Variants in CAST observed in about 807,000 individuals in gnomAD.
CAST encodes calpastatin.
CAST carries 76 observed loss-of-function variants against 119.6 expected under a neutral mutation model. The ratio of observed to expected loss-of-function variants is 0.64; its 90% CI spans 0.53 to 0.77. CAST has a LOEUF of 0.77. CAST is among the 30% of genes least tolerant of loss of function. The probability of loss-of-function intolerance (pLI) is 0.00; values close to 1 mark genes in which losing one functional copy is unlikely to be tolerated. For synonymous variants in CAST, 319 were observed against 331.6 expected (o/e 0.96, Z 0.41); for missense variants, 953 against 946.5 (o/e 1.01, Z -0.09).
chr5:96,177,092 T>C, the CAST span, among the ~76,000 whole-genome samples: 1 of 152,212 alleles, frequency 6.6e-6, no homozygotes, highest in Non-Finnish European at 1.5e-5. Context: ...GCAAATTTAT[T>C]ATTATGATTA....
At chr5:96,569,886 A>G (rs182149404) in intron 1 of CAST, among the ~76,000 whole-genome samples, 196 of 152,352 alleles carry the variant, frequency 1.3e-3, no homozygotes, top group African/African-American at 4.5e-3. Flanking sequence ...TAAACTATAC[A>G]TCTGATTCGG....
chr5:96,495,474 T>C, the CAST span, among the ~76,000 whole-genome samples: 1 of 152,208 alleles, frequency 6.6e-6, no homozygotes, highest in Non-Finnish European at 1.5e-5. Context: ...TGTGTCCATG[T>C]GTTCTCATTG....
chr5:96,491,503 A>AAAAG, the CAST span, among the ~76,000 whole-genome samples: 1 of 86,750 alleles, frequency 1.2e-5, no homozygotes, highest in Non-Finnish European at 2.5e-5. Flanking sequence ...AAAAAAAAAA[A>AAAAG]AAAAAAAAAA....
the CAST span, among the ~76,000 whole-genome samples, chr5:96,293,629 C>T: frequency 8.0e-4 from 121 of 152,042 alleles, no homozygotes; most frequent in Admixed American, 1.8e-3. Context: ...CCTCTTTCTT[C>T]TCCTTCCAGA....
chr5:96,756,191 C>G (rs193216182), intron 22 of CAST, among the ~76,000 whole-genome samples: 1 of 152,110 alleles, frequency 6.6e-6, no homozygotes, highest in Admixed American at 6.6e-5. Flanking sequence ...TTTGGCTCCC[C>G]GAGGGCAGGC....
At chr5:96,183,001 T>A in the CAST span, among the ~76,000 whole-genome samples, 2 of 151,746 alleles carry the variant, frequency 1.3e-5, no homozygotes, top group African/African-American at 4.8e-5. Flanking sequence ...TAGCCGGGCG[T>A]GGTGGCAGGC....
chr5:96,241,184 G>C, the CAST span, among the ~76,000 whole-genome samples: 1 of 149,760 alleles, frequency 6.7e-6, no homozygotes, highest in East Asian at 2.0e-4. Flanking sequence ...TTAGCATTAG[G>C]TATATCTCCC....
the CAST span, among the ~76,000 whole-genome samples, chr5:96,154,447 T>A: frequency 1.3e-5 from 2 of 152,196 alleles, no homozygotes; most frequent in South Asian, 4.1e-4. Context: ...AGTTCCCATA[T>A]GTTCTATATG....
the CAST span, among the ~76,000 whole-genome samples, chr5:96,306,015 T>G: frequency 6.6e-6 from 1 of 151,626 alleles, no homozygotes; most frequent in Non-Finnish European, 1.5e-5. Flanking sequence ...TTGGAATACT[T>G]TCTGAAGTAC....
At chr5:96,001,747 A>G in the CAST span, among the ~76,000 whole-genome samples, 1 of 152,252 alleles carries the variant, frequency 6.6e-6, no homozygotes, top group Non-Finnish European at 1.5e-5. Context: ...AATTAACTTC[A>G]TGCCCCCTAC....
At chr5:96,655,400 G>A (rs1748145075) in intron 1 of CAST, among the ~76,000 whole-genome samples, 1 of 152,154 alleles carries the variant, frequency 6.6e-6, no homozygotes, top group Non-Finnish European at 1.5e-5. Flanking sequence ...ATAGACCCAG[G>A]CAAAGAGAAG....
chr5:96,041,186 G>A, the CAST span, among the ~76,000 whole-genome samples: 1 of 152,094 alleles, frequency 6.6e-6, no homozygotes, highest in African/African-American at 2.4e-5. Context: ...GTGAAAAAGA[G>A]TACTGCTGCC....
chr5:96,597,779 A>G (rs1481106007), intron 1 of CAST, among the ~76,000 whole-genome samples: 1 of 152,188 alleles, frequency 6.6e-6, no homozygotes, highest in Non-Finnish European at 1.5e-5. Flanking sequence ...CTATTTATTC[A>G]GGCCTCATTA....
the CAST span, among the ~76,000 whole-genome samples, chr5:96,505,428 C>T: frequency 1.6e-4 from 25 of 151,520 alleles, no homozygotes; most frequent in Non-Finnish European, 3.1e-4. Flanking sequence ...TGCAGTGAGC[C>T]GAGACCCGCC....
chr5:96,381,265 G>T, the CAST span, among the ~76,000 whole-genome samples: 1 of 152,026 alleles, frequency 6.6e-6, no homozygotes, highest in Admixed American at 6.6e-5. Flanking sequence ...TTAATATACA[G>T]TGGGTTTATT....
At chr5:96,475,425 C>G in the CAST span, among the ~76,000 whole-genome samples, 1 of 152,218 alleles carries the variant, frequency 6.6e-6, no homozygotes, top group African/African-American at 2.4e-5. Flanking sequence ...ATGACAATCT[C>G]TGAATGTTGT....
the CAST span, among the ~76,000 whole-genome samples, chr5:96,404,011 T>C: frequency 6.6e-6 from 1 of 152,204 alleles, no homozygotes; most frequent in Non-Finnish European, 1.5e-5. Flanking sequence ...TCTGATTCTT[T>C]TGATCTCTCC....
the CAST span, among the ~76,000 whole-genome samples, chr5:96,277,705 C>A: frequency 6.6e-6 from 1 of 150,488 alleles, no homozygotes. Flanking sequence ...TGAGTGTGTG[C>A]TAAAAATATA....
At chr5:96,771,038 C>T (rs1772116139) in intron 30 of CAST, among the ~76,000 whole-genome samples, 2 of 152,242 alleles carry the variant, frequency 1.3e-5, no homozygotes, top group African/African-American at 2.4e-5. Flanking sequence ...CTATGATCCC[C>T]TGGCTATAAG....
Sources: gnomAD v4.1 joint callset for allele counts (sites outside exome capture counted in the v4.1 genomes callset) on GRCh38, gnomAD v4.1.1 for gene constraint, MANE v1.5 for transcripts, NCBI Gene and HGNC (gene_info 2026-07-23, HGNC 2026-07-21) for gene names.